CRYGS: variants seen among roughly 807,000 people sequenced by gnomAD.
CRYGS encodes gamma-crystallin S.
Under a neutral mutation model 21.3 loss-of-function variants are expected in CRYGS, and 13 were observed. That is an observed-to-expected ratio of 0.61 (90% confidence interval 0.40 to 0.97). The LOEUF is 0.97. CRYGS is among the 50% of genes least tolerant of loss of function. The probability of loss-of-function intolerance (pLI) is 0.00; values close to 1 mark genes in which losing one functional copy is unlikely to be tolerated. For missense variants in CRYGS, 205 were observed against 229.7 expected (o/e 0.89, Z 0.69); for synonymous variants, 67 against 75.0 (o/e 0.89, Z 0.55).
chr3:186,539,047 C>T, intron 2 of CRYGS, 79 bp from the exon 3 acceptor site: 1 of 1,509,286 alleles, frequency 6.6e-7, no homozygotes, highest in South Asian at 1.2e-5. Context: ...AACAGTATTG[C>T]TCAGAACTTA....
intron 1 of CRYGS, among the ~76,000 whole-genome samples, chr3:186,543,515 G>A (rs1714115171): frequency 6.6e-6 from 1 of 152,166 alleles, no homozygotes; most frequent in African/African-American, 2.4e-5. Flanking sequence ...AATAAAGAGA[G>A]ATGGAAATAG....
chr3:186,540,765 C>A (rs920196796), intron 1 of CRYGS: 1 of 963,184 alleles, frequency 1.0e-6, no homozygotes, highest in South Asian at 4.8e-5. Context: ...GGAGCAGAGC[C>A]GGATACTGTC....
rs1224709856 is a variant in CRYGS, at chr3:186,544,290, C to T, written c.21+16G>A. 2 of 1,591,174 alleles carry T rather than the reference C, an allele frequency of 1.3e-6. No homozygotes were observed. Among genetic ancestry groups the T allele is most frequent in the Non-Finnish European group, 1.7e-6 (2 of 1,159,240 alleles). On this transcript the variant is annotated intron_variant, in intron 1 of 2. Coordinates refer to ENST00000307944, the MANE Select transcript of CRYGS (RefSeq NM_017541.4). ...GGTGAAAAGCGGGTAGGCTAAAAAT[C>T]AATATGACTACTTACCTTGGTTCCA...
At position 186,538,982 on chromosome 3, in the gene CRYGS, G is replaced by A; in HGVS notation, c.265-14C>T. The A allele has an allele frequency of 1.2e-6, 2 of 1,613,610 alleles. No individual in the cohort carries two copies. The highest frequency in any genetic ancestry group is 1.7e-6 in the Non-Finnish European group (2 of 1,179,890). On this transcript the variant is annotated splice_polypyrimidine_tract_variant and intron_variant, in intron 2 of 2. Coordinates refer to ENST00000307944, the MANE Select transcript of CRYGS (RefSeq NM_017541.4). ...GCCTCCACTAGGCTGAAAAGACACA[G>A]GAGAAAATGAACAGAAACCATTATG...
Position 186,538,674 on chromosome 3 carries a change from G to C in CRYGS, c.*22C>G. 6.2e-7 allele frequency: 1 copy of C among 1,614,008 alleles called. No homozygotes were observed. Among genetic ancestry groups the C allele is most frequent in the Non-Finnish European group, 8.5e-7 (1 of 1,179,962 alleles). On this transcript the variant is annotated 3_prime_UTR_variant, in exon 3 of 3. Coordinates refer to ENST00000307944, the MANE Select transcript of CRYGS (RefSeq NM_017541.4). Reference sequence around the variant, plus strand: ...CCAGCCAGCATTTGGGCCCCAGGAAGAATATGGCCCCATTCATGTCATTAC... The same window carrying C: ...CCAGCCAGCATTTGGGCCCCAGGAACAATATGGCCCCATTCATGTCATTAC...
chr3:186,539,663 A>C (rs1578956880), intron 1 of CRYGS, 66 bp from the exon 2 acceptor site: 1 of 1,594,570 alleles, frequency 6.3e-7, no homozygotes, highest in African/African-American at 1.3e-5. Context: ...GATAAAAATT[A>C]AGAACATAAT....
In CRYGS at chr3:186,539,218, G is replaced by A. The variant is rs766300240; in HGVS notation, c.264+137C>T. The A allele has an allele frequency of 3.2e-6, 4 of 1,234,976 alleles. No homozygotes were observed. The Admixed American group carries it at 7.3e-5, about 23-fold the overall frequency. 76.5% of individuals were successfully genotyped at this position (1,234,976 alleles called of 1,614,324 possible). A position where few individuals can be genotyped will look rare whatever the true frequency, so the allele number is the denominator to read the frequency against. The stretch of plus-strand genomic sequence containing the variant: ...TTCTAGTGATGAGCTGCTCTAAGAT[G>A]TTACTCAAGCCTCAGCAGCCAACAA... On this transcript the variant is annotated intron_variant, in intron 2 of 2. Transcript: ENST00000307944.
At chr3:186,541,156 A>G (rs1714055970) in intron 1 of CRYGS, among the ~76,000 whole-genome samples, 1 of 152,202 alleles carries the variant, frequency 6.6e-6, no homozygotes, top group South Asian at 2.1e-4. Context: ...AGATGGAGGG[A>G]ATGAGAGGAA....
At chr3:186,540,777 TGA>T in intron 1 of CRYGS, 1 of 933,444 alleles carries the variant, frequency 1.1e-6, no homozygotes, top group Non-Finnish European at 1.3e-6. Context: ...GATACTGTCT[TGA>T]GAGGATCTTT....
intron 1 of CRYGS, among the ~76,000 whole-genome samples, chr3:186,541,026 G>A (rs1578957652): frequency 6.6e-6 from 1 of 152,170 alleles, no homozygotes; most frequent in Non-Finnish European, 1.5e-5. Flanking sequence ...AGTAGTGTGT[G>A]CCTAGAAACG....
intron 1 of CRYGS, among the ~76,000 whole-genome samples, chr3:186,543,390 GACATGCTAGTGAT>G (rs1351591996): frequency 2.0e-5 from 3 of 152,216 alleles, no homozygotes; most frequent in Middle Eastern, 3.4e-3. Context: ...AACTCTTGGG[GACATGCTAGTGAT>G]ACAGTGTTTA....
rs370168399 is a variant in CRYGS at position 186,544,295 on chromosome 3, T to G, written c.21+11A>C. On this transcript the variant is annotated intron_variant, in intron 1 of 2. Transcript: ENST00000307944. ...AAAGCGGGTAGGCTAAAAATCAATA[T>G]GACTACTTACCTTGGTTCCAGTTTT... The G allele has an allele frequency of 6.3e-7, 1 of 1,596,880 alleles. No homozygotes were observed. Among genetic ancestry groups the G allele is most frequent in the East Asian group, 2.2e-5 (1 of 44,802 alleles).
At chr3:186,539,698 C>T (rs142573149) in intron 1 of CRYGS, 101 bp from the exon 2 acceptor site, 10 of 1,453,792 alleles carry the variant, frequency 6.9e-6, no homozygotes, top group Middle Eastern at 2.2e-4. Context: ...TTCCTTTCAC[C>T]TCAATTTTGA....
intron 1 of CRYGS, among the ~76,000 whole-genome samples, chr3:186,543,075 C>G (rs1714105490): frequency 6.6e-6 from 1 of 152,048 alleles, no homozygotes. Context: ...GCTTTCTTGC[C>G]AAATATATTT....
intron 1 of CRYGS, chr3:186,540,750 T>A (rs1484159600): frequency 1.0e-6 from 1 of 975,526 alleles, no homozygotes; most frequent in Non-Finnish European, 1.2e-6. Context: ...TCATTTCAGA[T>A]GAAAGGAGCA....
chr3:186,538,834 C>G lies in CRYGS; in HGVS notation c.399G>C (p.Leu133=). ...GCTCATAGAAAATCCAGACACCCTC[C>G]AGCACCTTACAGGAGTGGATCTCTC... is the stretch of plus-strand genomic sequence containing the variant. ...HMREIHSCKV[L]EGVWIFYELP... Residue 133 remains leucine, a synonymous_variant, in exon 3 of 3, where the codon CTG becomes CTC. Coordinates refer to ENST00000307944, the MANE Select transcript of CRYGS (RefSeq NM_017541.4). The G allele has an allele frequency of 1.2e-6, 2 of 1,614,138 alleles. No individual in the cohort carries two copies. The highest frequency in any genetic ancestry group is 1.7e-6 in the Non-Finnish European group (2 of 1,180,030).
intron 1 of CRYGS, among the ~76,000 whole-genome samples, chr3:186,542,747 C>A (rs1372721159): frequency 1.3e-5 from 2 of 152,058 alleles, no homozygotes; most frequent in African/African-American, 4.8e-5. Context: ...AAAAAGAGTA[C>A]ACTATTACTA....
chr3:186,538,695 A>G lies in CRYGS; in HGVS notation c.*1T>C, dbSNP rs1713982908. The G allele has an allele frequency of 6.2e-7, 1 of 1,614,016 alleles. No homozygotes were observed. The highest frequency in any genetic ancestry group is 8.5e-7 in the Non-Finnish European group (1 of 1,180,034). On this transcript the variant is annotated 3_prime_UTR_variant, in exon 3 of 3. Coordinates refer to ENST00000307944, the MANE Select transcript of CRYGS (RefSeq NM_017541.4). ...GGAAGAATATGGCCCCATTCATGTC[A>G]TTACTCCACAATGCGGCGGAAAGAC...
chr3:186,539,472 A>C lies in CRYGS; in HGVS notation c.147T>G (p.Val49=). The stretch of plus-strand genomic sequence containing the variant: ...ACCCAGCAAAGTTGGGCCTTTCATA[A>C]ACAGCCCAGGTGCCTCCTTCCACTT... ...SIKVEGGTWA[V]YERPNFAGYM... is the part of the protein sequence containing the mutation. Residue 49 remains valine (V), a synonymous_variant, in exon 2 of 3, where the codon GTT becomes GTG. Coordinates refer to ENST00000307944, the MANE Select transcript of CRYGS (RefSeq NM_017541.4). 1.2e-6 allele frequency: 2 copies of C among 1,613,446 alleles called. No homozygotes were observed. Among genetic ancestry groups the C allele is most frequent in the Non-Finnish European group, 1.7e-6 (2 of 1,180,012 alleles).
Sources: allele counts gnomAD v4.1 joint callset (sites outside exome capture counted in the v4.1 genomes callset), GRCh38; gene constraint gnomAD v4.1.1; transcripts MANE v1.5; gene names NCBI Gene and HGNC (gene_info 2026-07-23, HGNC 2026-07-21).